SHOC1: variants seen among roughly 807,000 people sequenced by gnomAD.
SHOC1 encodes the protein protein shortage in chiasmata 1 ortholog.
SHOC1 carries 136 observed loss-of-function variants against 179.2 expected under a neutral mutation model. The observed-to-expected ratio is 0.76, with a 90% CI of 0.66 to 0.87. The LOEUF (loss-of-function observed/expected upper bound fraction) is 0.87, where lower values mean the gene tolerates loss of function less well. SHOC1 is among the 40% of genes least tolerant of loss of function. The probability of loss-of-function intolerance (pLI) is 0.00; values close to 1 mark genes in which losing one functional copy is unlikely to be tolerated. For synonymous variants in SHOC1, 489 were observed against 586.6 expected, an observed-to-expected ratio of 0.83 and a Z score of 2.41; for missense variants, 1,538 against 1,700.8, an observed-to-expected ratio of 0.90 and a Z score of 1.68.
intron 5 of SHOC1, among the ~76,000 whole-genome samples, chr9:111,770,604 G>A (rs906560669): frequency 2.6e-5 from 4 of 151,998 alleles, no homozygotes; most frequent in African/African-American, 9.7e-5. Flanking sequence ...TTTTCTGTCT[G>A]GATGATCTGT....
chr9:111,792,817 G>A (rs1296873235), intron 1 of SHOC1, among the ~76,000 whole-genome samples: 1 of 152,022 alleles, frequency 6.6e-6, no homozygotes, highest in Non-Finnish European at 1.5e-5. Flanking sequence ...TATTTTACTG[G>A]TGGTTACTTT....
chr9:111,788,532 G>A (rs902009696), intron 2 of SHOC1, among the ~76,000 whole-genome samples: 2 of 152,170 alleles, frequency 1.3e-5, no homozygotes, highest in Non-Finnish European at 2.9e-5. Context: ...AACTGAGAAA[G>A]TCAAGGCCCC....
intron 26 of SHOC1, among the ~76,000 whole-genome samples, chr9:111,693,481 T>C (rs907665853): frequency 3.5e-5 from 5 of 141,558 alleles, no homozygotes; most frequent in East Asian, 2.1e-4. Context: ...TGTATACTTA[T>C]AATCCCAGCT....
At position 111,728,010 on chromosome 9, in the gene SHOC1, A is replaced by C; in HGVS notation, c.1457T>G (p.Leu486Arg). 6.2e-7 allele frequency: 1 copy of C among 1,606,336 alleles called. No individual in the cohort carries two copies. The highest frequency in any genetic ancestry group is 8.5e-7 in the Non-Finnish European group (1 of 1,177,640). Residue 486 changes from leucine (L) to arginine (R), a missense_variant, in exon 13 of 28, where the codon CTT becomes CGT. Leu to Arg is a moderately radical substitution (Grantham distance 102, BLOSUM62 -2). Coordinates refer to ENST00000682961, the MANE Select transcript of SHOC1 (RefSeq NM_001378211.1). Reference sequence around the variant, plus strand: ...AGCATTTGTAGATTTTTCATCAATAAGTGCAATAGGTGAAGAATGACTTTT... The same window carrying C: ...AGCATTTGTAGATTTTTCATCAATACGTGCAATAGGTGAAGAATGACTTTT... Reference protein sequence around the residue: ...EHKSHSSPIALIDEKSTNAHL... With the variant: ...EHKSHSSPIARIDEKSTNAHL...
chr9:111,780,885 C>T (rs2131632175), intron 4 of SHOC1, 45 bp downstream of exon 4: 1 of 1,352,118 alleles, frequency 7.4e-7, no homozygotes, highest in East Asian at 2.3e-5. Context: ...TACTGTTTAT[C>T]TTCTACTAGA....
chr9:111,732,567 A>T (rs1321712394), intron 12 of SHOC1, among the ~76,000 whole-genome samples: 11 of 152,222 alleles, frequency 7.2e-5, no homozygotes, highest in Admixed American at 7.2e-4. Context: ...AAAATTTTTT[A>T]ACAATAAAAA....
chr9:111,728,105 A>G (rs1181753802), intron 12 of SHOC1, 56 bp from the exon 13 acceptor site: 3 of 1,219,584 alleles, frequency 2.5e-6, no homozygotes, highest in African/African-American at 3.1e-5. Context: ...CGAGTGTTCT[A>G]TTAGGTATTT....
intron 18 of SHOC1, among the ~76,000 whole-genome samples, chr9:111,709,929 T>C (rs1338552037): frequency 6.6e-6 from 1 of 152,082 alleles, no homozygotes; most frequent in Non-Finnish European, 1.5e-5. Flanking sequence ...AAAAAAAATC[T>C]GTCAGTGTAT....
chr9:111,698,973 C>T (rs1368259515), intron 24 of SHOC1, among the ~76,000 whole-genome samples: 1 of 151,974 alleles, frequency 6.6e-6, no homozygotes, highest in Non-Finnish European at 1.5e-5. Flanking sequence ...CTACTATGTA[C>T]CTGGCATTGT....
chr9:111,724,337 T>A (rs2131422020), intron 13 of SHOC1, among the ~76,000 whole-genome samples: 1 of 151,954 alleles, frequency 6.6e-6, no homozygotes, highest in East Asian at 1.9e-4. Context: ...ACCAGGCAAT[T>A]CTTTTTCTTT....
At position 111,769,980 on chromosome 9, in the gene SHOC1, TTTTTTG is replaced by T. The variant is rs1186926358; in HGVS notation, c.442+5805_442+5810del. 5.2e-3 allele frequency among the ~76,000 whole-genome samples: 218 copies of T among 41,812 alleles called. 3 individuals are homozygous for T. The highest frequency in any genetic ancestry group is 0.014 in the African/African-American group (204 of 14,778). 27.4% of individuals were successfully genotyped at this position (41,812 alleles called of 152,430 possible). ...AGCGAAAGGTTTTATCTTCTGTTTT[TTTTTTG>T]TTTTTTTTTTTTTTTTTTTTTTAGT... is the stretch of plus-strand genomic sequence containing the variant. On this transcript the variant is annotated intron_variant, in intron 5 of 27. Transcript: ENST00000682961.
intron 8 of SHOC1, among the ~76,000 whole-genome samples, chr9:111,755,841 G>A (rs1216739618): frequency 2.0e-5 from 3 of 152,104 alleles, no homozygotes; most frequent in Non-Finnish European, 4.4e-5. Context: ...AGAGAATGAC[G>A]GCTGGGTGCA....
chr9:111,727,820 G>A lies in SHOC1; in HGVS notation c.1647C>T (p.His549=). 1 of 1,611,856 alleles carries A rather than the reference G, an allele frequency of 6.2e-7. No individual in the cohort carries two copies. The highest frequency in any genetic ancestry group is 8.5e-7 in the Non-Finnish European group (1 of 1,179,328). The change falls in exon 13 of 28, where the codon CAC becomes CAT. Residue 549 remains histidine (H), a synonymous_variant. Coordinates refer to ENST00000682961, the MANE Select transcript of SHOC1 (RefSeq NM_001378211.1). Reference sequence around the variant, plus strand: ...ATGGTCCTGTGCAGTCAAGTTCAAAGTGATCGTTATTTTCTTTCTTTTGGA... The same window carrying A: ...ATGGTCCTGTGCAGTCAAGTTCAAAATGATCGTTATTTTCTTTCTTTTGGA... ...RIIQKKENND[H]FELDCTGPSI...
intron 10 of SHOC1, among the ~76,000 whole-genome samples, chr9:111,745,262 A>C (rs1834223380): frequency 6.6e-6 from 1 of 152,236 alleles, no homozygotes; most frequent in Non-Finnish European, 1.5e-5. Context: ...CAAATCTTTT[A>C]GTAGACCTCT....
chr9:111,745,328 G>A (rs879938631), intron 10 of SHOC1, among the ~76,000 whole-genome samples: 1 of 152,092 alleles, frequency 6.6e-6, no homozygotes, highest in Admixed American at 6.6e-5. Context: ...AAAAACCTGA[G>A]GCACAGAACA....
At chr9:111,779,610 T>C (rs1236487028) in intron 4 of SHOC1, among the ~76,000 whole-genome samples, 1 of 151,830 alleles carries the variant, frequency 6.6e-6, no homozygotes, top group Admixed American at 6.6e-5. Flanking sequence ...CCTCTCCTAG[T>C]TATAAATGCA....
rs1272079923 is a variant in SHOC1 at position 111,758,844 on chromosome 9, T to C, written c.447A>G (p.Leu149=). ...AAAGTATTCCTTTATCATCAATAAATAAATCTGAAAAGAAATAAGAAATAT... is the reference window on the plus strand; with the variant it reads ...AAAGTATTCCTTTATCATCAATAAACAAATCTGAAAAGAAATAAGAAATAT... The part of the protein sequence containing the change: ...CSALQNQNQD[L]FIDDKGILFV... Residue 149 remains leucine, a synonymous_variant, in exon 6 of 28, where the codon TTA becomes TTG. Coordinates refer to ENST00000682961, the MANE Select transcript of SHOC1 (RefSeq NM_001378211.1). 2.0e-6 allele frequency: 3 copies of C among 1,468,992 alleles called. No homozygotes were observed. Among genetic ancestry groups the C allele is most frequent in the African/African-American group, 2.9e-5 (2 of 69,586 alleles). The allele number at this position is 1,468,992 out of a possible 1,614,324, so 91.0% of individuals were successfully genotyped here. A position where few individuals can be genotyped will look rare whatever the true frequency, so the allele number is the denominator to read the frequency against.
rs186931900 is a variant in SHOC1 at position 111,692,436 on chromosome 9, G to C, written c.3541C>G (p.Gln1181Glu). The C allele has an allele frequency of 6.2e-7, 1 of 1,610,912 alleles. No homozygotes were observed. The highest frequency in any genetic ancestry group is 8.5e-7 in the Non-Finnish European group (1 of 1,178,756). Residue 1181 changes from glutamine (Q) to glutamate (E), a missense_variant, in exon 27 of 28, where the codon CAG (glutamine) becomes GAG (glutamate). Transcript: ENST00000682961. ...ITKSPQISSP[Q>E]ENRNQISTLS... ...GTACTAATCTGATTCCTATTTTCCT[G>C]AGGTGACGAAATTTGCGGTGATTTT...
At chr9:111,788,893 T>C (rs1387531523) in intron 2 of SHOC1, among the ~76,000 whole-genome samples, 3 of 146,028 alleles carry the variant, frequency 2.1e-5, no homozygotes, top group African/African-American at 7.4e-5. Context: ...TCCATTACTC[T>C]AGTCTCTCTA....
Sources: allele counts gnomAD v4.1 joint callset (sites outside exome capture counted in the v4.1 genomes callset), GRCh38; gene constraint gnomAD v4.1.1; transcripts MANE v1.5; gene names NCBI Gene and HGNC (gene_info 2026-07-23, HGNC 2026-07-21).